Variants in FABP12 observed in about 807,000 individuals in gnomAD.
The protein encoded by FABP12 is fatty acid-binding protein 12.
FABP12 carries 19 observed loss-of-function variants against 13.7 expected under a neutral mutation model. That is an observed-to-expected ratio of 1.39 (90% confidence interval 0.97 to 2.04). The LOEUF (loss-of-function observed/expected upper bound fraction) is 2.04. Ranked by LOEUF, FABP12 falls within the 30% of genes most tolerant of loss-of-function variation. The pLI, the probability that FABP12 is intolerant of heterozygous loss-of-function variation, is 0.00. For missense variants in FABP12, 182 were observed against 164.2 expected (o/e 1.11, Z -0.59); for synonymous variants, 61 against 57.0 (o/e 1.07, Z -0.32).
intron 1 of FABP12, among the ~76,000 whole-genome samples, chr8:81,554,789 G>A (rs1374820909): frequency 1.3e-5 from 2 of 151,742 alleles, no homozygotes; most frequent in Non-Finnish European, 2.9e-5. Flanking sequence ...CAACACTAAC[G>A]ATAACTGATG....
intron 1 of FABP12, among the ~76,000 whole-genome samples, chr8:81,543,364 T>TC (rs1282140641): frequency 4.6e-5 from 7 of 152,168 alleles, no homozygotes; most frequent in Admixed American, 2.0e-4. Flanking sequence ...AGAGACTACA[T>TC]CATCTCATGC....
chr8:81,572,767 T>C (rs919526860), intron 1 of FABP12, among the ~76,000 whole-genome samples: 11 of 152,238 alleles, frequency 7.2e-5, no homozygotes, highest in African/African-American at 2.7e-4. Flanking sequence ...GGATTATCTA[T>C]TCATGTCCTT....
intron 1 of FABP12, among the ~76,000 whole-genome samples, chr8:81,579,795 T>A (rs947153331): frequency 2.0e-5 from 3 of 152,262 alleles, no homozygotes; most frequent in Admixed American, 2.0e-4. Flanking sequence ...GTCAAAGGTT[T>A]AACCATATTT....
At chr8:81,570,795 G>T (rs118137874) in intron 1 of FABP12, among the ~76,000 whole-genome samples, 2,433 of 152,254 alleles carry the variant, frequency 0.016, 34 homozygotes, top group Non-Finnish European at 0.024. Flanking sequence ...TGCCTTAAAG[G>T]GGAGGAAGTG....
intron 1 of FABP12, among the ~76,000 whole-genome samples, chr8:81,553,683 T>C (rs1041838539): frequency 1.3e-5 from 2 of 152,210 alleles, no homozygotes; most frequent in African/African-American, 4.8e-5. Flanking sequence ...ATCCCACTAT[T>C]CTACCCTGTG....
intron 1 of FABP12, among the ~76,000 whole-genome samples, chr8:81,546,248 G>T (rs967484135): frequency 6.6e-6 from 1 of 152,204 alleles, no homozygotes; most frequent in Non-Finnish European, 1.5e-5. Context: ...AAACCTGAAA[G>T]TGTTGTTTAT....
intron 1 of FABP12, among the ~76,000 whole-genome samples, chr8:81,565,353 C>A (rs535144952): frequency 6.6e-6 from 1 of 152,022 alleles, no homozygotes; most frequent in East Asian, 1.9e-4. Context: ...TAGGTATTTG[C>A]AGGACTTTTC....
At chr8:81,584,933 ATTTG>A (rs765740666) in intron 1 of FABP12, among the ~76,000 whole-genome samples, 2 of 152,014 alleles carry the variant, frequency 1.3e-5, no homozygotes, top group Non-Finnish European at 2.9e-5. Context: ...CCTGTTGGCC[ATTTG>A]TTTGTCTTCT....
intron 1 of FABP12, among the ~76,000 whole-genome samples, chr8:81,564,740 C>A (rs982179424): frequency 6.6e-6 from 1 of 151,846 alleles, no homozygotes; most frequent in South Asian, 2.1e-4. Context: ...TAGAAAATCA[C>A]CTTCACTAAA....
intron 1 of FABP12, among the ~76,000 whole-genome samples, chr8:81,586,606 T>C (rs1563560570): frequency 6.6e-6 from 1 of 152,208 alleles, no homozygotes; most frequent in Non-Finnish European, 1.5e-5. Flanking sequence ...ATATTGAGCA[T>C]TTATTCCTGT....
At chr8:81,539,433 CTTTTTTTTTTTTTTTT>C (rs35386904) in intron 2 of FABP12, among the ~76,000 whole-genome samples, 1 of 50,018 alleles carries the variant, frequency 2.0e-5, no homozygotes, top group African/African-American at 8.0e-5. Flanking sequence ...TTCTTTAGTT[CTTTTTTTTTTTTTTTT>C]TTTTTTTTTT....
intron 1 of FABP12, among the ~76,000 whole-genome samples, chr8:81,581,671 T>C (rs1453886480): frequency 2.0e-5 from 3 of 152,208 alleles, no homozygotes; most frequent in Non-Finnish European, 4.4e-5. Flanking sequence ...AATGAGATAA[T>C]ATATTCAAAA....
At chr8:81,585,242 T>C (rs1810224317) in intron 1 of FABP12, among the ~76,000 whole-genome samples, 2 of 152,206 alleles carry the variant, frequency 1.3e-5, no homozygotes, top group Non-Finnish European at 2.9e-5. Context: ...TAATTCATTG[T>C]GATTTGCCGC....
intron 1 of FABP12, among the ~76,000 whole-genome samples, chr8:81,558,448 C>A (rs1307198684): frequency 6.6e-6 from 1 of 152,184 alleles, no homozygotes; most frequent in Non-Finnish European, 1.5e-5. Context: ...CTTTCCTGCA[C>A]CACAGTGAGC....
At chr8:81,554,220 G>GGCAAGTTTGTATT (rs1809570498) in intron 1 of FABP12, among the ~76,000 whole-genome samples, 1 of 152,054 alleles carries the variant, frequency 6.6e-6, no homozygotes. Flanking sequence ...GGGAGTGTTG[G>GGCAAGTTTGTATT]GTTATACAAA....
At chr8:81,534,455 C>A (rs1047650727), upstream of FABP12, among the ~76,000 whole-genome samples, 1 of 152,164 alleles carries the variant, frequency 6.6e-6, no homozygotes, top group Admixed American at 6.5e-5. Flanking sequence ...AGCTGGACCC[C>A]TAAAAACTTT....
At chr8:81,572,584 T>C (rs1400569013) in intron 1 of FABP12, among the ~76,000 whole-genome samples, 1 of 152,214 alleles carries the variant, frequency 6.6e-6, no homozygotes, top group Non-Finnish European at 1.5e-5. Flanking sequence ...AGTGTAGTAG[T>C]GTTCCCTGAT....
At chr8:81,529,316 G>GT (rs1808993637) in intron 3 of FABP12, 122 bp downstream of exon 3, 1 of 974,458 alleles carries the variant, frequency 1.0e-6, no homozygotes, top group Non-Finnish European at 1.6e-6. Context: ...TTAGACCTAT[G>GT]TTTTAGACAA....
intron 1 of FABP12, among the ~76,000 whole-genome samples, chr8:81,545,220 G>A (rs980275430): frequency 1.2e-4 from 19 of 152,192 alleles, no homozygotes; most frequent in Admixed American, 5.2e-4. Context: ...AAGTGAACAA[G>A]AAGTTGTGGC....
Sources: gnomAD v4.1 joint callset for allele counts (sites outside exome capture counted in the v4.1 genomes callset) on GRCh38, gnomAD v4.1.1 for gene constraint, MANE v1.5 for transcripts, NCBI Gene and HGNC (gene_info 2026-07-23, HGNC 2026-07-21) for gene names.